Variants in PXYLP1 observed in about 807,000 individuals in gnomAD.
PXYLP1 encodes the protein acid phosphatase-like 2.
A neutral mutation model predicts 37.9 loss-of-function variants in PXYLP1; 17 were observed. That is an observed-to-expected ratio of 0.45 (90% CI 0.31 to 0.67). The LOEUF (loss-of-function observed/expected upper bound fraction) is 0.67. Among genes scored for constraint, PXYLP1 ranks in the 30% least tolerant of loss-of-function variants. The pLI is 0.07. For synonymous variants in PXYLP1, 221 were observed against 232.2 expected (o/e 0.95, Z 0.44); for missense variants, 511 against 612.0 (o/e 0.84, Z 1.74).
chr3:141,246,630 A>G (rs1195839393), intron 1 of PXYLP1, among the ~76,000 whole-genome samples: 1 of 152,112 alleles, frequency 6.6e-6, no homozygotes, highest in Non-Finnish European at 1.5e-5. Context: ...TCATTCATAC[A>G]TTCATTCACT....
rs60258518 is a variant in PXYLP1 at position 141,281,345 on chromosome 3, A to G, written c.365+1841A>G. Among the ~76,000 whole-genome samples, 811 of 152,304 alleles carry G rather than the reference A, an allele frequency of 5.3e-3. 6 individuals carry two copies. Among genetic ancestry groups the G allele is most frequent in the African/African-American group, 0.018 (767 of 41,574 alleles). ...AAGAACTGGGCAGGTGTGAGCCACA[A>G]TAAGACCAGGGTATGGCTGGGCTGG... On this transcript the variant is annotated intron_variant, in intron 4 of 5. Transcript: ENST00000286353.
chr3:141,247,511 T>C (rs1249161610), intron 1 of PXYLP1, among the ~76,000 whole-genome samples: 3 of 152,248 alleles, frequency 2.0e-5, no homozygotes, highest in African/African-American at 7.2e-5. Context: ...ATGTCCATCC[T>C]GATTCTATCA....
At chr3:141,260,280 C>T (rs1053393388) in intron 2 of PXYLP1, 26 bp downstream of exon 2, 6 of 1,609,566 alleles carry the variant, frequency 3.7e-6, no homozygotes, top group African/African-American at 2.7e-5. Flanking sequence ...CCCCGCAGGT[C>T]GTGGGAGGGT....
At chr3:141,279,249 C>T (rs1457184055) in intron 3 of PXYLP1, 129 bp from the exon 4 acceptor site, 2 of 1,180,710 alleles carry the variant, frequency 1.7e-6, no homozygotes, top group Non-Finnish European at 2.4e-6. Context: ...CTCTGCAAAC[C>T]CACGGTGGCC....
chr3:141,260,914 G>A (rs73232940), intron 2 of PXYLP1, among the ~76,000 whole-genome samples: 6,190 of 152,320 alleles, frequency 0.041, 177 homozygotes, highest in South Asian at 0.12. Context: ...ATGGTCTTCT[G>A]AGAGGCCCCT....
chr3:141,279,619 A>G (rs915671787), intron 4 of PXYLP1, 115 bp downstream of exon 4: 62 of 1,342,398 alleles, frequency 4.6e-5, no homozygotes, highest in Non-Finnish European at 6.3e-5. Flanking sequence ...CTGAGCTCAG[A>G]GCAGTCCTAC....
At chr3:141,251,981 C>G (rs1208979388) in intron 1 of PXYLP1, among the ~76,000 whole-genome samples, 2 of 152,176 alleles carry the variant, frequency 1.3e-5, no homozygotes, top group Non-Finnish European at 2.9e-5. Context: ...CCTTACATAT[C>G]TTAACCCCAC....
Position 141,265,264 on chromosome 3 carries a change from A to T in PXYLP1, c.79+5010A>T, listed in dbSNP as rs114155263. On this transcript the variant is annotated intron_variant, in intron 2 of 5. Coordinates refer to ENST00000286353, the MANE Select transcript of PXYLP1 (RefSeq NM_001037172.3). ...CAGATTTGTGTCTTGGAAAGACTAC[A>T]GTCCAGCACAGTGTTTTCCAAAGCA... Among the ~76,000 whole-genome samples, 415 of 152,254 alleles carry T rather than the reference A, an allele frequency of 2.7e-3. 2 individuals carry two copies. Among genetic ancestry groups the T allele is most frequent in the African/African-American group, 9.6e-3 (399 of 41,546 alleles).
At chr3:141,256,760 AC>A (rs750645551) in intron 1 of PXYLP1, among the ~76,000 whole-genome samples, 69 of 152,234 alleles carry the variant, frequency 4.5e-4, no homozygotes, top group Non-Finnish European at 7.5e-4. Context: ...GTGTACATAC[AC>A]CCCTAGGGCT....
chr3:141,237,219 AGG>A (rs1453096924), intron 1 of PXYLP1, among the ~76,000 whole-genome samples: 2 of 152,246 alleles, frequency 1.3e-5, no homozygotes, highest in African/African-American at 2.4e-5. Flanking sequence ...TCCTATTCTT[AGG>A]GATAAAAATA....
At chr3:141,274,626 A>G (rs1415196496) in intron 2 of PXYLP1, 7 of 772,816 alleles carry the variant, frequency 9.1e-6, no homozygotes, top group Admixed American at 4.0e-5. Flanking sequence ...TTCAGCAGGT[A>G]TTTTTGGAAG....
intron 1 of PXYLP1, among the ~76,000 whole-genome samples, chr3:141,242,735 A>G (rs1001747050): frequency 3.3e-5 from 5 of 152,230 alleles, no homozygotes; most frequent in African/African-American, 9.6e-5. Context: ...CAAGTGCTGC[A>G]GGGAATGCAA....
chr3:141,282,173 C>G (rs920963108), intron 4 of PXYLP1, among the ~76,000 whole-genome samples: 128 of 152,252 alleles, frequency 8.4e-4, no homozygotes, highest in East Asian at 3.9e-4. Flanking sequence ...CTCCACTCTC[C>G]TCGTGCTCAC....
At chr3:141,253,692 T>TAA (rs5853027) in intron 1 of PXYLP1, among the ~76,000 whole-genome samples, 62,649 of 144,468 alleles carry the variant, frequency 0.43, 15,732 homozygotes, top group South Asian at 0.62. Flanking sequence ...GAAACTTTTC[T>TAA]AAAAAAAAAA....
At chr3:141,264,141 C>A (rs922096445) in intron 2 of PXYLP1, among the ~76,000 whole-genome samples, 1 of 151,384 alleles carries the variant, frequency 6.6e-6, no homozygotes, top group Non-Finnish European at 1.5e-5. Flanking sequence ...GAAGGAAATG[C>A]TGAAGGTGAA....
At chr3:141,270,195 T>C (rs1012339012) in intron 2 of PXYLP1, among the ~76,000 whole-genome samples, 2 of 152,234 alleles carry the variant, frequency 1.3e-5, no homozygotes, top group Admixed American at 1.3e-4. Flanking sequence ...ACATTAAGAA[T>C]GAGGAAAACA....
chr3:141,270,553 T>A (rs1941637101), intron 2 of PXYLP1, among the ~76,000 whole-genome samples: 1 of 152,244 alleles, frequency 6.6e-6, no homozygotes, highest in South Asian at 2.1e-4. Context: ...GAGCGCGTCA[T>A]TATTCCTTGG....
intron 2 of PXYLP1, among the ~76,000 whole-genome samples, chr3:141,272,426 AATC>A (rs1333190347): frequency 6.6e-6 from 1 of 152,194 alleles, no homozygotes; most frequent in African/African-American, 2.4e-5. Flanking sequence ...AAAATGAGCA[AATC>A]ATCATTAGAT....
chr3:141,252,453 G>C (rs1941160726), intron 1 of PXYLP1, among the ~76,000 whole-genome samples: 2 of 152,174 alleles, frequency 1.3e-5, no homozygotes, highest in African/African-American at 4.8e-5. Flanking sequence ...CAAAGGGGGA[G>C]CCAGCGTATC....
Sources: allele counts gnomAD v4.1 joint callset (sites outside exome capture counted in the v4.1 genomes callset), GRCh38; gene constraint gnomAD v4.1.1; transcripts MANE v1.5; gene names NCBI Gene and HGNC (gene_info 2026-07-23, HGNC 2026-07-21).